The following PIGS variants were observed in gnomAD, a reference collection of about 807,000 sequenced individuals.
PIGS encodes phosphatidylinositol glycan anchor biosynthesis class S.
A neutral mutation model predicts 58.2 loss-of-function variants in PIGS; 37 were observed. The ratio of observed to expected loss-of-function variants is 0.64; its 90% confidence interval spans 0.49 to 0.84. PIGS has a LOEUF of 0.84. PIGS is among the 40% of genes least tolerant of loss of function. PIGS has a pLI of 0.00. For synonymous variants in PIGS, 269 were observed against 289.2 expected, an observed-to-expected ratio of 0.93 and a Z score of 0.71; for missense variants, 629 against 710.8, an observed-to-expected ratio of 0.88 and a Z score of 1.31.
chr17:28,569,474 CAA>C (rs767305172), intron 3 of PIGS, among the ~76,000 whole-genome samples: 22 of 66,098 alleles, frequency 3.3e-4, no homozygotes, highest in Middle Eastern at 8.9e-3. Context: ...GACCCTTTCT[CAA>C]AAAAAAAAAA....
intron 3 of PIGS, among the ~76,000 whole-genome samples, chr17:28,566,854 A>G (rs1475981781): frequency 6.6e-6 from 1 of 151,984 alleles, no homozygotes; most frequent in Non-Finnish European, 1.5e-5. Flanking sequence ...TGGCCTCCCA[A>G]AGTTCTGGGA....
At position 28,556,837 on chromosome 17, in the gene PIGS, C is replaced by A; in HGVS notation, c.1070G>T (p.Gly357Val). Residue 357 changes from glycine (G) to valine (V), a missense_variant, in exon 9 of 12, where the codon GGT becomes GTT. Physicochemically the swap from Gly to Val is moderately radical, Grantham distance 109. Transcript: ENST00000308360. ...TAGTGTGACTATTACCATAATGCCACCCCAGCGGGGACTATGGAAGGCATT... is the reference window on the plus strand; with the variant it reads ...TAGTGTGACTATTACCATAATGCCAACCCAGCGGGGACTATGGAAGGCATT... ...ATNAFHSPRW[G>V]GIMVYNVDSK... The A allele has an allele frequency of 6.2e-7, 1 of 1,613,912 alleles. No individual in the cohort carries two copies. The highest frequency in any genetic ancestry group is 1.1e-5 in the South Asian group (1 of 91,054).
chr17:28,565,772 G>A (rs1016677202), intron 3 of PIGS, among the ~76,000 whole-genome samples: 1 of 152,188 alleles, frequency 6.6e-6, no homozygotes, highest in Non-Finnish European at 1.5e-5. Flanking sequence ...GCTCACGCTT[G>A]TAATCCCAGC....
In PIGS at chr17:28,557,112, T is replaced by C; in HGVS notation, c.935-140A>G. 4 of 883,766 alleles carry C rather than the reference T, an allele frequency of 4.5e-6. No individual in the cohort carries two copies. The South Asian group carries it at 6.3e-5, about 14-fold the overall frequency. The allele number at this position is 883,766 out of a possible 1,614,324, so 54.7% of individuals were successfully genotyped here. On this transcript the variant is annotated intron_variant, in intron 8 of 11. Transcript: ENST00000308360. ...CATTAGGATATCCTCCTGTCCAGGG[T>C]GTCTCTAGTAAAGGGCTTCAGAATG...
chr17:28,557,126 G>T (rs1249102784), intron 8 of PIGS, 154 bp from the exon 9 acceptor site: 3 of 779,612 alleles, frequency 3.8e-6, no homozygotes, highest in Non-Finnish European at 4.1e-6. Context: ...TCTAGTAAAG[G>T]GCTTCAGAAT....
At chr17:28,568,416 T>G (rs985078582) in intron 3 of PIGS, among the ~76,000 whole-genome samples, 9 of 152,194 alleles carry the variant, frequency 5.9e-5, no homozygotes, top group Admixed American at 5.9e-4. Flanking sequence ...TCTTTTTTAT[T>G]GTCTTCTTCT....
chr17:28,560,456 C>A, intron 6 of PIGS: 9 of 372,804 alleles, frequency 2.4e-5, no homozygotes, highest in East Asian at 6.6e-5. Flanking sequence ...CCAGCCTGGC[C>A]ATCATGGAGA....
intron 3 of PIGS, among the ~76,000 whole-genome samples, chr17:28,564,234 C>A (rs2070382272): frequency 6.6e-6 from 1 of 152,168 alleles, no homozygotes. Context: ...CCAATCACTG[C>A]CCCAAAATAA....
chr17:28,571,374 G>C (rs2070428592), intron 1 of PIGS, 89 bp downstream of exon 1: 1 of 1,557,494 alleles, frequency 6.4e-7, no homozygotes, highest in Non-Finnish European at 8.7e-7. Context: ...CCCCGTCCGC[G>C]GGACCTCTCG....
At chr17:28,566,192 C>T (rs1385335823) in intron 3 of PIGS, among the ~76,000 whole-genome samples, 1 of 145,582 alleles carries the variant, frequency 6.9e-6, no homozygotes, top group Non-Finnish European at 1.5e-5. Flanking sequence ...ATGATTGGGC[C>T]ACTGCACTTC....
intron 5 of PIGS, 72 bp from the exon 6 acceptor site, chr17:28,561,701 TG>T: frequency 6.8e-7 from 1 of 1,478,726 alleles, no homozygotes; most frequent in East Asian, 2.5e-5. Flanking sequence ...TGGCTCCTAC[TG>T]TTCCGAATCT....
intron 8 of PIGS, chr17:28,557,486 C>T (rs1357034584): frequency 6.3e-6 from 1 of 159,940 alleles, no homozygotes; most frequent in Non-Finnish European, 1.4e-5. Flanking sequence ...TGCCTAAGCT[C>T]TCTCACTTGT....
chr17:28,557,144 C>T (rs1242642966), intron 8 of PIGS, 172 bp from the exon 9 acceptor site: 8 of 670,344 alleles, frequency 1.2e-5, no homozygotes, highest in Non-Finnish European at 2.0e-5. Context: ...AATGTTCTCC[C>T]GAGATGTGCC....
In PIGS at chr17:28,571,187, C is replaced by G. The variant is rs1264966074; in HGVS notation, c.36G>C (p.Glu12Asp). ...GGGCGGCGCGCTTGCCCCGGGCCAC[C>G]TCTGAGGGCATGGGGAACCGACTGA... ...AAAGAAATHL[E>D]VARGKRAALF... is the part of the protein sequence containing the mutation. The change falls in exon 2 of 12, where the codon GAG becomes GAC. Residue 12 changes from glutamate (E) to aspartate (D), a missense_variant and splice_region_variant. Coordinates refer to ENST00000308360, the MANE Select transcript of PIGS (RefSeq NM_033198.4). 6.2e-7 allele frequency: 1 copy of G among 1,612,652 alleles called. No homozygotes were observed. The highest frequency in any genetic ancestry group is 8.5e-7 in the Non-Finnish European group (1 of 1,179,720).
intron 6 of PIGS, among the ~76,000 whole-genome samples, chr17:28,561,000 G>C (rs1223622969): frequency 2.0e-5 from 3 of 152,028 alleles, no homozygotes; most frequent in African/African-American, 7.2e-5. Context: ...GCTCACACTT[G>C]TAATCCCAGC....
chr17:28,553,676 A>ACACACACG lies in PIGS; in HGVS notation c.*543_*544insCGTGTGTG, dbSNP rs60290804. 6.1e-6 allele frequency: 1 copy of ACACACACG among 165,268 alleles called. No individual in the cohort carries two copies. Among genetic ancestry groups the ACACACACG allele is most frequent in the African/African-American group, 2.5e-5 (1 of 40,462 alleles). The allele number at this position is 165,268 out of a possible 1,614,324, so 10.2% of individuals were successfully genotyped here. A position where few individuals can be genotyped will look rare whatever the true frequency, so the allele number is the denominator to read the frequency against. ...CACACACACACACACACACACACAC[A>ACACACACG]GCACCATGTCCTGAGCTGCTGCCTC... On this transcript the variant is annotated 3_prime_UTR_variant, in exon 12 of 12. Transcript: ENST00000308360.
In PIGS at chr17:28,554,034, G is replaced by T; in HGVS notation, c.*186C>A. On this transcript the variant is annotated 3_prime_UTR_variant, in exon 12 of 12. Coordinates refer to ENST00000308360, the MANE Select transcript of PIGS (RefSeq NM_033198.4). ...TGGTGGTGGAGGAGGATTGAGCCAG[G>T]TGAATGGGAAAGGAAGAAAAGATGA... 1 of 725,030 alleles carries T rather than the reference G, an allele frequency of 1.4e-6. No individual in the cohort carries two copies. The highest frequency in any genetic ancestry group is 2.2e-6 in the Non-Finnish European group (1 of 452,794). 44.9% of individuals were successfully genotyped at this position (725,030 alleles called of 1,614,324 possible). A position where few individuals can be genotyped will look rare whatever the true frequency, so the allele number is the denominator to read the frequency against.
intron 8 of PIGS, among the ~76,000 whole-genome samples, chr17:28,558,033 C>A (rs539704936): frequency 2.0e-5 from 3 of 152,308 alleles, no homozygotes; most frequent in Admixed American, 6.5e-5. Flanking sequence ...AGGGCTCAGG[C>A]ATAGTGGCTC....
intron 1 of PIGS, 92 bp downstream of exon 1, chr17:28,571,360 AGCCCCCCGTCC>A: frequency 1.3e-6 from 2 of 1,541,934 alleles, no homozygotes; most frequent in Admixed American, 3.9e-5. Flanking sequence ...GAGACCCCCG[AGCCCCCCGTCC>A]GCGGGACCTC....
Sources: gnomAD v4.1 joint callset for allele counts (sites outside exome capture counted in the v4.1 genomes callset) on GRCh38, gnomAD v4.1.1 for gene constraint, MANE v1.5 for transcripts, NCBI Gene and HGNC (gene_info 2026-07-23, HGNC 2026-07-21) for gene names.